ELMO2: variants seen among roughly 807,000 people sequenced by gnomAD.
ELMO2 encodes engulfment and cell motility 2.
ELMO2 carries 37 observed loss-of-function variants against 96.2 expected under a neutral mutation model. The observed-to-expected ratio is 0.38, with a 90% CI of 0.30 to 0.51. The LOEUF (loss-of-function observed/expected upper bound fraction) is 0.51, where lower values mean the gene tolerates loss of function less well. Ranked by LOEUF, ELMO2 falls within the 20% of genes least tolerant of loss-of-function variation. The probability of loss-of-function intolerance (pLI) is 0.88; values close to 1 mark genes in which losing one functional copy is unlikely to be tolerated. For synonymous variants in ELMO2, 315 were observed against 329.4 expected (o/e 0.96, Z 0.47); for missense variants, 561 against 912.6 (o/e 0.61, Z 4.96).
At chr20:46,380,365 G>T in intron 10 of ELMO2, 62 bp from the exon 11 acceptor site, 4 of 1,346,888 alleles carry the variant, frequency 3.0e-6, no homozygotes, top group Non-Finnish European at 4.2e-6. Context: ...GACTACTATC[G>T]AGAGGAAGGT....
chr20:46,374,919 A>G (rs1488500964), intron 13 of ELMO2, among the ~76,000 whole-genome samples: 1 of 152,032 alleles, frequency 6.6e-6, no homozygotes, highest in East Asian at 1.9e-4. Flanking sequence ...CTCAAGCCCT[A>G]CTCTATCACA....
In ELMO2 at chr20:46,371,375, G is replaced by A. The variant is rs1389344568; in HGVS notation, c.1778C>T (p.Thr593Ile). ...ACTTTTCTCCTGCAGGGATTCAAAT[G>A]TCACCTCCCCTTGTGGGTTGTCATC... ...DLDDNPQGEVTFESLQEKIPV... is the reference protein window; with the variant it reads ...DLDDNPQGEVIFESLQEKIPV... The change falls in exon 19 of 22, where the codon ACA becomes ATA. Residue 593 changes from threonine (T) to isoleucine (I), a missense_variant. Physicochemically the swap from Thr to Ile is moderately conservative, Grantham distance 89. Transcript: ENST00000290246. This position sits in a 1 kb window ranked among gnomAD's most constrained non-coding sequence, Gnocchi z 5.9. The A allele has an allele frequency of 1.2e-6, 2 of 1,614,126 alleles. No individual in the cohort carries two copies. The highest frequency in any genetic ancestry group is 2.7e-5 in the African/African-American group (2 of 74,944).
intron 11 of ELMO2, among the ~76,000 whole-genome samples, chr20:46,376,335 C>CTCCTTCCT (rs2059859227): frequency 6.6e-6 from 1 of 151,892 alleles, no homozygotes; most frequent in Non-Finnish European, 1.5e-5. Flanking sequence ...CCACGGCCCT[C>CTCCTTCCT]TCCTTCCTTC....
In ELMO2 at chr20:46,383,486, T is replaced by C. The variant is rs1226077867; in HGVS notation, c.686A>G (p.Gln229Arg). 5 of 1,614,086 alleles carry C rather than the reference T, an allele frequency of 3.1e-6. No homozygotes were observed. Among genetic ancestry groups the C allele is most frequent in the East Asian group, 2.2e-5 (1 of 44,896 alleles). The change falls in exon 10 of 22, where the codon CAG becomes CGG. Residue 229 changes from glutamine to arginine, a missense_variant. Gln to Arg is a conservative substitution (Grantham distance 43). Transcript: ENST00000290246. ...QLISHLQVSN[Q>R]EIQTYAIALI... ...TGCAATGGCGTAGGTCTGAATCTCC[T>C]GGTTGGAGCTGTGTCAATGGAGAAA...
chr20:46,383,395 T>C (rs2059990279), intron 10 of ELMO2, 21 bp downstream of exon 10: 1 of 1,610,858 alleles, frequency 6.2e-7, no homozygotes. Context: ...AGATGAAAAA[T>C]GTGAAAAGGC....
chr20:46,368,469 G>A (rs1047069756), intron 21 of ELMO2, among the ~76,000 whole-genome samples: 2 of 152,104 alleles, frequency 1.3e-5, no homozygotes, highest in African/African-American at 2.4e-5. Flanking sequence ...GCTGACCACA[G>A]AGAAACTGAA....
At chr20:46,387,216 A>G in intron 8 of ELMO2, 122 bp downstream of exon 8, 2 of 753,638 alleles carry the variant, frequency 2.7e-6, no homozygotes, top group Non-Finnish European at 4.3e-6. Flanking sequence ...AGGATGAAAA[A>G]TCTGGCCCCA....
Position 46,366,768 on chromosome 20 carries a change from C to CAG in ELMO2, c.*590_*591dup, listed in dbSNP as rs2059593719. The CAG allele has an allele frequency of 6.6e-6, 1 of 152,580 alleles. No homozygotes were observed. Among genetic ancestry groups the CAG allele is most frequent in the Non-Finnish European group, 1.5e-5 (1 of 68,064 alleles). The allele number at this position is 152,580 out of a possible 1,614,324, so 9.5% of individuals were successfully genotyped here. A position where few individuals can be genotyped will look rare whatever the true frequency, so the allele number is the denominator to read the frequency against. ...CGTCTGCTCTGATATCTGTATGGGCCAGAGAGATCTGGTGGCTCTAAAGAC... is the reference window on the plus strand; with the variant it reads ...CGTCTGCTCTGATATCTGTATGGGCCAGAGAGAGATCTGGTGGCTCTAAAGAC... On this transcript the variant is annotated 3_prime_UTR_variant, in exon 22 of 22. Transcript: ENST00000290246.
At chr20:46,405,185 A>C (rs1023122012) in intron 1 of ELMO2, among the ~76,000 whole-genome samples, 1 of 152,202 alleles carries the variant, frequency 6.6e-6, no homozygotes, top group African/African-American at 2.4e-5. Flanking sequence ...TTTGTAAATA[A>C]ATGTAAAATT....
At chr20:46,391,833 C>T (rs1252663124) in intron 6 of ELMO2, among the ~76,000 whole-genome samples, 1 of 152,172 alleles carries the variant, frequency 6.6e-6, no homozygotes, top group Non-Finnish European at 1.5e-5. Context: ...AGACCTTTTG[C>T]TACATCTCTG....
chr20:46,367,628 CTT>C, intron 21 of ELMO2, 68 bp from the exon 22 acceptor site: 1 of 1,333,306 alleles, frequency 7.5e-7, no homozygotes, highest in Non-Finnish European at 1.0e-6. Flanking sequence ...GCCAAGGTCT[CTT>C]TTCTGATGGG....
At position 46,387,382 on chromosome 20, in the gene ELMO2, C is replaced by T. The variant is rs771821164; in HGVS notation, c.481G>A (p.Gly161Ser). The change falls in exon 8 of 22, where the codon GGC becomes AGC. Residue 161 changes from glycine to serine, a missense_variant. Gly to Ser is a moderately conservative substitution (Grantham distance 56). Coordinates refer to ENST00000290246, the MANE Select transcript of ELMO2 (RefSeq NM_133171.5). Reference protein sequence around the residue: ...LTAFLELMDHGIVSWDMVSIT... With the variant: ...LTAFLELMDHSIVSWDMVSIT... The stretch of plus-strand genomic sequence containing the variant: ...GAAACCATGTCCCAGGAGACAATGC[C>T]ATGGTCCATGAGCTCTAGGAAGGCA... 1.1e-5 allele frequency: 18 copies of T among 1,613,956 alleles called. No individual in the cohort carries two copies. Among genetic ancestry groups the T allele is most frequent in the Non-Finnish European group, 1.5e-5 (18 of 1,179,994 alleles).
chr20:46,391,924 G>A (rs1462669385), intron 6 of ELMO2, among the ~76,000 whole-genome samples: 2 of 152,100 alleles, frequency 1.3e-5, no homozygotes, highest in African/African-American at 2.4e-5. Flanking sequence ...CGTCCCCTTC[G>A]CATTATCACC....
Position 46,394,423 on chromosome 20 carries a change from C to G in ELMO2, c.60G>C (p.Gln20His). The change falls in exon 3 of 22, where the codon CAG becomes CAC. Residue 20 changes from glutamine to histidine, a missense_variant. Transcript: ENST00000290246. ...AGCATACCTGGTCGATTTCAAGGAG[C>G]TGGGCGTTAGCACCTGGCCACTCAA... ...VAIEWPGANA[Q>H]LLEIDQKRPL... The G allele has an allele frequency of 1.2e-6, 2 of 1,614,222 alleles. No homozygotes were observed. The highest frequency in any genetic ancestry group is 1.3e-5 in the African/African-American group (1 of 75,058).
chr20:46,394,186 T>A, intron 3 of ELMO2, 97 bp from the exon 4 acceptor site: 1 of 1,252,340 alleles, frequency 8.0e-7, no homozygotes. Flanking sequence ...AGCTGGGGCA[T>A]GAGAATGAAC....
At chr20:46,385,435 T>C (rs2060024573) in intron 9 of ELMO2, among the ~76,000 whole-genome samples, 2 of 152,230 alleles carry the variant, frequency 1.3e-5, no homozygotes, top group Admixed American at 1.3e-4. Context: ...CTAACCCAGG[T>C]TGGCCTCTAT....
rs144487609 is a variant in ELMO2, at chr20:46,386,525, T to C, written c.526-250A>G. Among the ~76,000 whole-genome samples, 5 of 152,318 alleles carry C rather than the reference T, an allele frequency of 3.3e-5. No homozygotes were observed. In the East Asian group the frequency reaches 9.6e-4, roughly 29 times the overall value. The stretch of plus-strand genomic sequence containing the variant: ...TCAAAATCTAAAAGCTTAATTCTTT[T>C]TATCAAAATAAGGGTTCCAGTTTGA... On this transcript the variant is annotated intron_variant, in intron 8 of 21. Coordinates refer to ENST00000290246, the MANE Select transcript of ELMO2 (RefSeq NM_133171.5).
At chr20:46,372,597 C>G (rs958760492) in intron 16 of ELMO2, among the ~76,000 whole-genome samples, 3 of 152,190 alleles carry the variant, frequency 2.0e-5, no homozygotes, top group South Asian at 4.1e-4. Context: ...TGCCACTGCA[C>G]TCCAGCCTGG....
In ELMO2 at chr20:46,375,804, A is replaced by C; in HGVS notation, c.808-14T>G. 1 of 1,614,052 alleles carries C rather than the reference A, an allele frequency of 6.2e-7. No homozygotes were observed. The highest frequency in any genetic ancestry group is 8.5e-7 in the Non-Finnish European group (1 of 1,179,964). On this transcript the variant is annotated splice_polypyrimidine_tract_variant and intron_variant, in intron 11 of 21. Coordinates refer to ENST00000290246, the MANE Select transcript of ELMO2 (RefSeq NM_133171.5). This position sits in a 1 kb window ranked among gnomAD's most constrained non-coding sequence, Gnocchi z 4.6. ...TCGGATCACATGCTAGAAAAAGCAC[A>C]GGCAGGGAGCAGGGGACTGAACTGA...
Sources: gnomAD v4.1 joint callset for allele counts (sites outside exome capture counted in the v4.1 genomes callset) on GRCh38, gnomAD v4.1.1 for gene constraint, Gnocchi (gnomAD v3.1) non-coding constraint, MANE v1.5 for transcripts, NCBI Gene and HGNC (gene_info 2026-07-23, HGNC 2026-07-21) for gene names.